The following HSF2BP variants were observed in gnomAD, a reference collection of about 807,000 sequenced individuals.
HSF2BP encodes heat shock factor 2-binding protein.
A neutral mutation model predicts 35.0 loss-of-function variants in HSF2BP; 35 were observed. The observed-to-expected ratio is 1.00, with a 90% confidence interval of 0.76 to 1.32. HSF2BP has a LOEUF of 1.32. HSF2BP is among the 40% of genes most tolerant of loss of function. The pLI, the probability that HSF2BP is intolerant of heterozygous loss-of-function variation, is 0.00. For missense variants in HSF2BP, 326 were observed against 321.7 expected, an observed-to-expected ratio of 1.01 and a Z score of -0.10; for synonymous variants, 114 against 117.4, an observed-to-expected ratio of 0.97 and a Z score of 0.18.
chr21:43,468,095 C>A, the HSF2BP span, among the ~76,000 whole-genome samples: 23 of 134,768 alleles, frequency 1.7e-4, no homozygotes, highest in Admixed American at 3.6e-4. Flanking sequence ...ACACCACATA[C>A]CACACACCAC....
intron 3 of HSF2BP, among the ~76,000 whole-genome samples, chr21:43,645,660 G>A (rs187140828): frequency 2.3e-4 from 35 of 152,274 alleles, no homozygotes; most frequent in African/African-American, 7.7e-4. Flanking sequence ...TGTCACTTGC[G>A]ATGAGTGAGA....
Position 43,592,206 on chromosome 21 carries a change from A to G in HSF2BP, c.796+19T>C. ...GCATAACCCGTACAAGCAGCTGGACAGATAACCACCCCCCTTACCACTCAA... is the reference window on the plus strand; with the variant it reads ...GCATAACCCGTACAAGCAGCTGGACGGATAACCACCCCCCTTACCACTCAA... On this transcript the variant is annotated intron_variant, in intron 8 of 8. Transcript: ENST00000291560. 1 of 1,534,768 alleles carries G rather than the reference A, an allele frequency of 6.5e-7. No homozygotes were observed. Among genetic ancestry groups the G allele is most frequent in the Non-Finnish European group, 9.0e-7 (1 of 1,107,636 alleles).
intron 4 of HSF2BP, among the ~76,000 whole-genome samples, chr21:43,633,953 A>G (rs578162981): frequency 6.6e-6 from 1 of 152,378 alleles, no homozygotes; most frequent in East Asian, 1.9e-4. Context: ...ACGTATCCTT[A>G]ACTCCTCATG....
intron 3 of HSF2BP, among the ~76,000 whole-genome samples, chr21:43,644,785 G>A (rs1461528913): frequency 2.0e-5 from 3 of 152,302 alleles, no homozygotes; most frequent in East Asian, 1.9e-4. Context: ...GGGAGTGCAC[G>A]GCGCCAGCAC....
At chr21:43,619,088 C>T (rs1419276994) in intron 6 of HSF2BP, among the ~76,000 whole-genome samples, 1 of 152,152 alleles carries the variant, frequency 6.6e-6, no homozygotes. Context: ...GCTGGGACTA[C>T]AGGCCTGCAC....
chr21:43,591,361 A>G (rs944068603), intron 8 of HSF2BP, among the ~76,000 whole-genome samples: 2 of 152,178 alleles, frequency 1.3e-5, no homozygotes, highest in Non-Finnish European at 2.9e-5. Flanking sequence ...CTTCTCTTTT[A>G]TCTGACAGAA....
At chr21:43,603,378 G>A (rs2082074976) in intron 7 of HSF2BP, among the ~76,000 whole-genome samples, 1 of 152,178 alleles carries the variant, frequency 6.6e-6, no homozygotes, top group Non-Finnish European at 1.5e-5. Context: ...GGACTGAGGT[G>A]GTGACGAAGG....
intron 4 of HSF2BP, among the ~76,000 whole-genome samples, chr21:43,640,686 C>G (rs948425627): frequency 3.9e-5 from 6 of 152,076 alleles, no homozygotes; most frequent in Admixed American, 6.5e-5. Context: ...CTAGGGAAAA[C>G]CGGGTGAAGG....
chr21:43,625,869 C>T (rs997576700), intron 6 of HSF2BP, among the ~76,000 whole-genome samples: 6 of 152,192 alleles, frequency 3.9e-5, no homozygotes, highest in East Asian at 1.9e-4. Flanking sequence ...GGCAACAGGG[C>T]GGCTTCACTC....
At chr21:43,495,915 C>A in the HSF2BP span, among the ~76,000 whole-genome samples, 2 of 111,822 alleles carry the variant, frequency 1.8e-5, 1 homozygote, top group Non-Finnish European at 4.0e-5. Context: ...AGCTCACTCC[C>A]TTGTCCTGTG....
intron 7 of HSF2BP, among the ~76,000 whole-genome samples, chr21:43,605,445 A>C (rs1438456629): frequency 9.2e-5 from 10 of 108,364 alleles, no homozygotes; most frequent in African/African-American, 2.1e-4. Flanking sequence ...ACATACACAC[A>C]CCCCCACATA....
At chr21:43,623,902 CAATGCT>C (rs1298688070) in intron 6 of HSF2BP, among the ~76,000 whole-genome samples, 1 of 152,174 alleles carries the variant, frequency 6.6e-6, no homozygotes, top group Admixed American at 6.5e-5. Flanking sequence ...GGAAACAGGA[CAATGCT>C]AATGATCTCT....
At chr21:43,572,415 G>A (rs2081588712) in intron 8 of HSF2BP, among the ~76,000 whole-genome samples, 1 of 152,210 alleles carries the variant, frequency 6.6e-6, no homozygotes, top group Non-Finnish European at 1.5e-5. Context: ...GGCCTGCTGT[G>A]GACAGGACCC....
intron 6 of HSF2BP, among the ~76,000 whole-genome samples, chr21:43,614,521 T>C (rs1005570145): frequency 1.3e-5 from 2 of 152,182 alleles, no homozygotes; most frequent in Non-Finnish European, 2.9e-5. Context: ...GCGGTCACTA[T>C]GCTCCAGAGT....
chr21:43,602,990 C>T (rs1006611667), intron 7 of HSF2BP, among the ~76,000 whole-genome samples: 6 of 151,730 alleles, frequency 4.0e-5, no homozygotes, highest in Admixed American at 3.3e-4. Flanking sequence ...CTTTCATGGC[C>T]TACTCAAGGA....
chr21:43,647,549 C>A (rs912059961), intron 3 of HSF2BP, among the ~76,000 whole-genome samples: 9 of 152,160 alleles, frequency 5.9e-5, no homozygotes, highest in Non-Finnish European at 1.3e-4. Flanking sequence ...TTTCTTAATA[C>A]AGGTCTAATA....
chr21:43,630,182 A>G, intron 6 of HSF2BP, 140 bp downstream of exon 6: 1 of 626,660 alleles, frequency 1.6e-6, no homozygotes, highest in South Asian at 2.3e-5. Context: ...ACAACAGACT[A>G]CAGTATAGTG....
intron 3 of HSF2BP, among the ~76,000 whole-genome samples, chr21:43,651,257 A>AT (rs2082782032): frequency 6.6e-6 from 1 of 152,166 alleles, no homozygotes; most frequent in South Asian, 2.1e-4. Flanking sequence ...AAGCTTTGCC[A>AT]TAGCCTATGA....
chr21:43,610,839 C>T (rs1397648680), intron 7 of HSF2BP, among the ~76,000 whole-genome samples: 1 of 152,130 alleles, frequency 6.6e-6, no homozygotes, highest in African/African-American at 2.4e-5. Context: ...AACTCTCAGA[C>T]AGGTTAGCAA....
Sources: allele counts gnomAD v4.1 joint callset (sites outside exome capture counted in the v4.1 genomes callset), GRCh38; gene constraint gnomAD v4.1.1; transcripts MANE v1.5; gene names NCBI Gene and HGNC (gene_info 2026-07-23, HGNC 2026-07-21).